The following CSMD1 variants were observed in gnomAD, a reference collection of about 807,000 sequenced individuals.
The protein encoded by CSMD1 is CUB and Sushi multiple domains 1, also known as CUB and sushi domain-containing protein 1.
CSMD1 carries 213 observed loss-of-function variants against 417.5 expected under a neutral mutation model. That is an observed-to-expected ratio of 0.51 (90% CI 0.46 to 0.57). The LOEUF (loss-of-function observed/expected upper bound fraction) is 0.57. CSMD1 is among the 20% of genes least tolerant of loss of function. The probability of loss-of-function intolerance (pLI) is 0.00; values close to 1 mark genes in which losing one functional copy is unlikely to be tolerated. For missense variants in CSMD1, 6,923 were observed against 4,529.7 expected (o/e 1.53, Z -15.17); for synonymous variants, 2,862 against 1,736.8 (o/e 1.65, Z -16.11).
At chr8:4,299,087 A>G (rs935225913) in intron 3 of CSMD1, among the ~76,000 whole-genome samples, 2 of 152,168 alleles carry the variant, frequency 1.3e-5, no homozygotes, top group Admixed American at 6.5e-5. Flanking sequence ...TTATGATAAT[A>G]TAAGGAGGGA....
At chr8:3,288,266 T>C (rs961302828) in intron 25 of CSMD1, among the ~76,000 whole-genome samples, 14 of 147,296 alleles carry the variant, frequency 9.5e-5, no homozygotes, top group Non-Finnish European at 2.1e-4. Flanking sequence ...AAAGTTCTCT[T>C]TTTTTGTTCT....
chr8:4,725,998 G>C (rs1271874872), intron 1 of CSMD1, among the ~76,000 whole-genome samples: 2 of 152,242 alleles, frequency 1.3e-5, no homozygotes, highest in East Asian at 1.9e-4. Flanking sequence ...TCACGAACTA[G>C]TTGTAAGAAT....
At chr8:3,618,699 G>A (rs1410656591) in intron 7 of CSMD1, among the ~76,000 whole-genome samples, 2 of 152,086 alleles carry the variant, frequency 1.3e-5, no homozygotes, top group African/African-American at 4.8e-5. Flanking sequence ...TTTTACAGGA[G>A]CGCTAAATGA....
intron 3 of CSMD1, among the ~76,000 whole-genome samples, chr8:4,126,476 G>A (rs921518649): frequency 2.6e-5 from 4 of 152,122 alleles, no homozygotes; most frequent in African/African-American, 7.2e-5. Flanking sequence ...CTTAACCTGT[G>A]CACCCCACCT....
At chr8:3,446,764 G>A (rs1435819758) in intron 12 of CSMD1, among the ~76,000 whole-genome samples, 3 of 152,228 alleles carry the variant, frequency 2.0e-5, no homozygotes, top group Non-Finnish European at 4.4e-5. Flanking sequence ...CTAGACTTCG[G>A]AATCCTGACG....
At chr8:4,655,156 T>G (rs1391130048) in intron 1 of CSMD1, among the ~76,000 whole-genome samples, 2 of 152,130 alleles carry the variant, frequency 1.3e-5, no homozygotes, top group African/African-American at 4.8e-5. Flanking sequence ...TTCTTTTGAC[T>G]TTACCAAAAT....
intron 42 of CSMD1, among the ~76,000 whole-genome samples, chr8:3,112,288 G>T (rs1047603193): frequency 3.3e-5 from 5 of 152,198 alleles, no homozygotes; most frequent in African/African-American, 1.2e-4. Context: ...CTCCGTGCTA[G>T]TAATTTAGTG....
intron 3 of CSMD1, among the ~76,000 whole-genome samples, chr8:4,352,032 T>C (rs1183290283): frequency 6.6e-6 from 1 of 151,828 alleles, no homozygotes; most frequent in Non-Finnish European, 1.5e-5. Context: ...ATCGTTTAAG[T>C]TCATTGTGTC....
At chr8:4,484,258 T>C (rs1801249907) in intron 2 of CSMD1, among the ~76,000 whole-genome samples, 1 of 152,136 alleles carries the variant, frequency 6.6e-6, no homozygotes, top group Non-Finnish European at 1.5e-5. Flanking sequence ...TGGAAGGATT[T>C]TCTTCTAGGA....
chr8:3,309,524 ATTCCTT>A (rs1805163188), intron 23 of CSMD1, among the ~76,000 whole-genome samples: 2 of 152,206 alleles, frequency 1.3e-5, no homozygotes, highest in Admixed American at 1.3e-4. Context: ...AGAGCTGTAT[ATTCCTT>A]TTATGTGAGG....
At chr8:3,858,569 T>C (rs1804472731) in intron 5 of CSMD1, among the ~76,000 whole-genome samples, 1 of 152,208 alleles carries the variant, frequency 6.6e-6, no homozygotes, top group African/African-American at 2.4e-5. Context: ...ATGGACTACT[T>C]TCACGAGTAG....
chr8:4,030,172 A>C (rs563727407), intron 4 of CSMD1, among the ~76,000 whole-genome samples: 1 of 145,878 alleles, frequency 6.9e-6, no homozygotes, highest in African/African-American at 2.6e-5. Context: ...TGGAGTCTGA[A>C]GGATGGTAGC....
At chr8:3,237,158 G>GAT (rs954062434) in intron 26 of CSMD1, among the ~76,000 whole-genome samples, 39 of 151,622 alleles carry the variant, frequency 2.6e-4, no homozygotes, top group Admixed American at 6.6e-4. Flanking sequence ...AGATAAGAGA[G>GAT]ATATATATAT....
chr8:4,094,559 G>T (rs1213356752), intron 3 of CSMD1, among the ~76,000 whole-genome samples: 1 of 152,110 alleles, frequency 6.6e-6, no homozygotes, highest in Non-Finnish European at 1.5e-5. Flanking sequence ...TCTTGTAGAC[G>T]CCCACATGAA....
intron 10 of CSMD1, 143 bp from the exon 11 acceptor site, chr8:3,493,869 T>A (rs558684034): frequency 8.8e-6 from 5 of 571,034 alleles, no homozygotes; most frequent in Admixed American, 3.3e-5. Context: ...TTTAAGTAGT[T>A]ACATGGATAA....
At chr8:4,803,590 A>C (rs1798429289) in intron 1 of CSMD1, among the ~76,000 whole-genome samples, 1 of 152,288 alleles carries the variant, frequency 6.6e-6, no homozygotes, top group South Asian at 2.1e-4. Flanking sequence ...GGATTCTACT[A>C]TTGTTTTGTA....
chr8:4,883,232 C>G (rs1430372332), intron 1 of CSMD1, among the ~76,000 whole-genome samples: 2 of 151,700 alleles, frequency 1.3e-5, no homozygotes, highest in Middle Eastern at 3.2e-3. Flanking sequence ...TGGTTGATTT[C>G]TAACAAGGAT....
intron 5 of CSMD1, among the ~76,000 whole-genome samples, chr8:3,760,312 G>A (rs915954068): frequency 6.6e-6 from 1 of 152,114 alleles, no homozygotes; most frequent in Admixed American, 6.5e-5. Flanking sequence ...TTAAAGCAAT[G>A]CCAAATTCAT....
At chr8:3,371,754 G>C (rs1030944588) in intron 18 of CSMD1, among the ~76,000 whole-genome samples, 12 of 152,036 alleles carry the variant, frequency 7.9e-5, no homozygotes, top group African/African-American at 2.9e-4. Flanking sequence ...TAAACCTCAT[G>C]GGAAGCATGA....
Sources: allele counts gnomAD v4.1 joint callset (sites outside exome capture counted in the v4.1 genomes callset), GRCh38; gene constraint gnomAD v4.1.1; transcripts MANE v1.5; gene names NCBI Gene and HGNC (gene_info 2026-07-23, HGNC 2026-07-21).